The following RAB38 variants were observed in gnomAD, a reference collection of about 807,000 sequenced individuals.
RAB38 encodes ras-related protein Rab-38.
In RAB38, 15 loss-of-function variants were observed where a neutral mutation model predicts 18.4. The ratio of observed to expected loss-of-function variants is 0.82; its 90% CI spans 0.55 to 1.26. The LOEUF (loss-of-function observed/expected upper bound fraction) is 1.26. RAB38 is among the 50% of genes most tolerant of loss of function. The pLI, the probability that RAB38 is intolerant of heterozygous loss-of-function variation, is 0.00. For synonymous variants in RAB38, 101 were observed against 104.4 expected, an observed-to-expected ratio of 0.97 and a Z score of 0.20; for missense variants, 294 against 267.4, an observed-to-expected ratio of 1.10 and a Z score of -0.69.
In RAB38 at chr11:88,148,921, A is replaced by AT. The variant is rs374225508; in HGVS notation, c.483+753dup. 5.3e-5 allele frequency among the ~76,000 whole-genome samples: 8 copies of AT among 150,630 alleles called. No homozygotes were observed. In the South Asian group the frequency reaches 6.3e-4, roughly 12 times the overall value. Reference sequence around the variant, plus strand: ...GATTTTCAAATTTTGCCATGAAAGTATTTTTTTTTTCTCCTGTGATACTGA... The same window carrying AT: ...GATTTTCAAATTTTGCCATGAAAGTATTTTTTTTTTTCTCCTGTGATACTGA... On this transcript the variant is annotated intron_variant, in intron 2 of 2. Transcript: ENST00000243662.
chr11:88,091,562 T>A, the RAB38 span, among the ~76,000 whole-genome samples: 4 of 152,034 alleles, frequency 2.6e-5, no homozygotes, highest in Non-Finnish European at 5.9e-5. Flanking sequence ...CACAGACCGC[T>A]GATTGCCATC....
At chr11:87,809,348 C>T in the RAB38 span, among the ~76,000 whole-genome samples, 1 of 152,182 alleles carries the variant, frequency 6.6e-6, no homozygotes, top group African/African-American at 2.4e-5. Flanking sequence ...TCTACATGCC[C>T]AGTCCTAGAT....
At chr11:88,137,485 TAAA>T (rs774200497) in intron 2 of RAB38, among the ~76,000 whole-genome samples, 9 of 151,958 alleles carry the variant, frequency 5.9e-5, no homozygotes, top group Middle Eastern at 3.2e-3. Flanking sequence ...AAAATTATAA[TAAA>T]AGACTGGAAA....
chr11:87,819,097 C>T, the RAB38 span, among the ~76,000 whole-genome samples: 3 of 152,208 alleles, frequency 2.0e-5, no homozygotes, highest in African/African-American at 7.2e-5. Context: ...TTGCGGATTT[C>T]TGTTGGAGTT....
intron 1 of RAB38, among the ~76,000 whole-genome samples, chr11:88,164,648 T>C (rs186625359): frequency 7.9e-5 from 12 of 152,212 alleles, no homozygotes; most frequent in Admixed American, 3.9e-4. Flanking sequence ...TTTTTTCTTA[T>C]GGCTATTATA....
At chr11:88,055,271 T>C in the RAB38 span, among the ~76,000 whole-genome samples, 726 of 152,272 alleles carry the variant, frequency 4.8e-3, 3 homozygotes, top group African/African-American at 0.016. Flanking sequence ...ATTAAATAAA[T>C]AGTATTTAAA....
chr11:88,173,842 T>C (rs112773427), intron 1 of RAB38: 3 of 985,370 alleles, frequency 3.0e-6, no homozygotes, highest in African/African-American at 3.5e-5. Context: ...GTTCACATGC[T>C]AAAAGAAAAA....
chr11:88,155,639 C>T (rs1217630548), intron 1 of RAB38, among the ~76,000 whole-genome samples: 1 of 152,174 alleles, frequency 6.6e-6, no homozygotes, highest in Non-Finnish European at 1.5e-5. Flanking sequence ...AATATGAATG[C>T]AGTGACACCA....
chr11:88,041,188 T>C, the RAB38 span, among the ~76,000 whole-genome samples: 7,705 of 152,286 alleles, frequency 0.051, 326 homozygotes, highest in South Asian at 0.075. Flanking sequence ...ACTATTCTTA[T>C]ATAAATGTTA....
chr11:88,061,327 T>G, the RAB38 span, among the ~76,000 whole-genome samples: 1 of 152,170 alleles, frequency 6.6e-6, no homozygotes, highest in African/African-American at 2.4e-5. Context: ...AAGACCCAAG[T>G]GCAAGCAATT....
the RAB38 span, among the ~76,000 whole-genome samples, chr11:87,927,817 A>G: frequency 6.6e-6 from 1 of 152,060 alleles, no homozygotes; most frequent in African/African-American, 2.4e-5. Context: ...CTATAATCCC[A>G]GCACTTTAGG....
At chr11:87,858,462 TC>T in the RAB38 span, among the ~76,000 whole-genome samples, 1 of 152,074 alleles carries the variant, frequency 6.6e-6, no homozygotes, top group Non-Finnish European at 1.5e-5. Flanking sequence ...AGCAGATTGT[TC>T]CTGAAGACCA....
chr11:87,917,533 T>G, the RAB38 span, among the ~76,000 whole-genome samples: 1 of 149,924 alleles, frequency 6.7e-6, no homozygotes, highest in East Asian at 2.0e-4. Context: ...TGAAGTGTTT[T>G]TTTTTTTTTT....
the RAB38 span, among the ~76,000 whole-genome samples, chr11:88,088,407 T>A: frequency 6.6e-6 from 1 of 152,048 alleles, no homozygotes; most frequent in East Asian, 1.9e-4. Context: ...ACCTGAAGTT[T>A]AACAGCAGTA....
At chr11:88,053,075 C>CAT in the RAB38 span, among the ~76,000 whole-genome samples, 21 of 125,192 alleles carry the variant, frequency 1.7e-4, no homozygotes, top group African/African-American at 6.2e-4. Flanking sequence ...TATATATACA[C>CAT]ATATATATGG....
chr11:88,081,329 A>G, the RAB38 span, among the ~76,000 whole-genome samples: 1 of 151,882 alleles, frequency 6.6e-6, no homozygotes, highest in African/African-American at 2.4e-5. Flanking sequence ...CCACACAAAG[A>G]CCTGTATATT....
chr11:87,887,622 T>C, the RAB38 span, among the ~76,000 whole-genome samples: 1 of 151,926 alleles, frequency 6.6e-6, no homozygotes, highest in African/African-American at 2.4e-5. Flanking sequence ...AAATTGTTGT[T>C]TGAAATAAAA....
the RAB38 span, among the ~76,000 whole-genome samples, chr11:87,898,369 A>G: frequency 1.3e-5 from 2 of 151,556 alleles, no homozygotes; most frequent in African/African-American, 2.4e-5. Flanking sequence ...TCCCAAACCA[A>G]TCATCTCCTC....
chr11:87,862,586 T>C, the RAB38 span, among the ~76,000 whole-genome samples: 1 of 151,744 alleles, frequency 6.6e-6, no homozygotes, highest in East Asian at 1.9e-4. Context: ...GGTGATGAAA[T>C]AATCTGTACA....
Sources: gnomAD v4.1 joint callset for allele counts (sites outside exome capture counted in the v4.1 genomes callset) on GRCh38, gnomAD v4.1.1 for gene constraint, MANE v1.5 for transcripts, NCBI Gene and HGNC (gene_info 2026-07-23, HGNC 2026-07-21) for gene names.